The following RALGAPA1 variants were observed in gnomAD, a reference collection of about 807,000 sequenced individuals.
The protein encoded by RALGAPA1 is Ral GTPase activating protein catalytic subunit alpha 1.
In RALGAPA1, 52 loss-of-function variants were observed where a neutral mutation model predicts 269.6. That is an observed-to-expected ratio of 0.19 (90% CI 0.15 to 0.24). RALGAPA1 has a LOEUF of 0.24. Among genes scored for constraint, RALGAPA1 ranks in the 10% least tolerant of loss-of-function variants. The probability of loss-of-function intolerance (pLI) is 1.00; values close to 1 mark genes in which losing one functional copy is unlikely to be tolerated. For synonymous variants in RALGAPA1, 817 were observed against 1,008.3 expected (o/e 0.81, Z 3.60); for missense variants, 1,917 against 3,013.9 (o/e 0.64, Z 8.52).
intron 9 of RALGAPA1, among the ~76,000 whole-genome samples, chr14:35,749,685 A>G (rs553402452): frequency 6.6e-6 from 1 of 152,248 alleles, no homozygotes; most frequent in Admixed American, 6.5e-5. Context: ...TTAATACAGA[A>G]GTTAGAGCAA....
intron 31 of RALGAPA1, among the ~76,000 whole-genome samples, chr14:35,638,796 T>C (rs2061824624): frequency 6.6e-6 from 1 of 151,794 alleles, no homozygotes; most frequent in Non-Finnish European, 1.5e-5. Flanking sequence ...TGTGGTGGTG[T>C]GTGCTTGTAG....
chr14:35,663,431 A>G (rs1422853894), intron 27 of RALGAPA1, among the ~76,000 whole-genome samples: 2 of 151,980 alleles, frequency 1.3e-5, no homozygotes, highest in Non-Finnish European at 2.9e-5. Context: ...AAAAAAACAA[A>G]AACAAAAAAA....
intron 18 of RALGAPA1, among the ~76,000 whole-genome samples, chr14:35,687,931 A>AGGAAAC (rs2066101612): frequency 1.3e-5 from 2 of 152,240 alleles, no homozygotes; most frequent in Non-Finnish European, 2.9e-5. Flanking sequence ...CTCATCACTG[A>AGGAAAC]TAGTTAACTA....
At chr14:35,748,305 T>C (rs182825710) in intron 10 of RALGAPA1, 1 of 205,220 alleles carries the variant, frequency 4.9e-6, no homozygotes, top group East Asian at 1.1e-4. Context: ...TAAGAATTAC[T>C]TAAATTAGTT....
At chr14:35,702,131 T>C (rs904340414) in intron 16 of RALGAPA1, among the ~76,000 whole-genome samples, 3 of 152,214 alleles carry the variant, frequency 2.0e-5, no homozygotes, top group African/African-American at 7.2e-5. Context: ...TTTGAATCCC[T>C]ACTCCCTACC....
At chr14:35,639,282 C>T (rs1461158231) in intron 31 of RALGAPA1, among the ~76,000 whole-genome samples, 1 of 152,110 alleles carries the variant, frequency 6.6e-6, no homozygotes. Context: ...ATATATAAAG[C>T]AAATATTATT....
chr14:35,577,253 CT>C (rs1431589900), intron 37 of RALGAPA1, among the ~76,000 whole-genome samples: 3 of 152,130 alleles, frequency 2.0e-5, no homozygotes, highest in Non-Finnish European at 4.4e-5. Context: ...TTGCTACAGA[CT>C]GAATGTTTGC....
At chr14:35,642,066 C>T (rs1479991526) in intron 31 of RALGAPA1, among the ~76,000 whole-genome samples, 2 of 152,106 alleles carry the variant, frequency 1.3e-5, no homozygotes, top group Non-Finnish European at 2.9e-5. Context: ...AAACTAGATC[C>T]CTAACTCCTG....
intron 17 of RALGAPA1, among the ~76,000 whole-genome samples, chr14:35,699,949 C>A (rs992136474): frequency 6.7e-6 from 1 of 149,880 alleles, no homozygotes; most frequent in Admixed American, 6.6e-5. Context: ...TGGACATTGG[C>A]ACAGCACTAA....
chr14:35,748,709 C>T lies in RALGAPA1; in HGVS notation c.1127G>A (p.Arg376Gln), dbSNP rs1353015917. ...ACAGAGACTAGATGAGCTAGGTTCTCGCTCCGTGAGAGTGCTTGTATTGGA... is the reference window on the plus strand; with the variant it reads ...ACAGAGACTAGATGAGCTAGGTTCTTGCTCCGTGAGAGTGCTTGTATTGGA... ...SHSNTSTLTE[R>Q]EPSSSSLCSI... The change falls in exon 10 of 42, where the codon CGA becomes CAA. Residue 376 changes from arginine to glutamine, a missense_variant. Arg to Gln is a conservative substitution (Grantham distance 43). Around this residue, in one of 11 missense-constraint regions of RALGAPA1, gnomAD observed 462 missense variants for 725.6 expected, o/e 0.64. Transcript: ENST00000680220. 10 of 1,613,310 alleles carry T rather than the reference C, an allele frequency of 6.2e-6. No individual in the cohort carries two copies. Among genetic ancestry groups the T allele is most frequent in the African/African-American group, 1.3e-5 (1 of 74,784 alleles).
At chr14:35,684,174 C>A (rs989603089) in intron 20 of RALGAPA1, among the ~76,000 whole-genome samples, 189 bp from the exon 21 acceptor site, 1 of 152,116 alleles carries the variant, frequency 6.6e-6, no homozygotes, top group Non-Finnish European at 1.5e-5. Context: ...GTGTACAAGC[C>A]ATGAAGGGAG....
chr14:35,664,342 A>G (rs564716971), intron 27 of RALGAPA1, among the ~76,000 whole-genome samples: 1 of 152,226 alleles, frequency 6.6e-6, no homozygotes, highest in South Asian at 2.1e-4. Flanking sequence ...GAAGCTTTAC[A>G]TTAGTAGCAT....
chr14:35,660,521 G>A (rs903921730), intron 27 of RALGAPA1, among the ~76,000 whole-genome samples: 1 of 151,970 alleles, frequency 6.6e-6, no homozygotes, highest in Non-Finnish European at 1.5e-5. Flanking sequence ...GAAATAAATA[G>A]AAACATATCT....
At position 35,756,782 on chromosome 14, in the gene RALGAPA1, A is replaced by G. The variant is rs1284825981; in HGVS notation, c.663+11T>C. The stretch of plus-strand genomic sequence containing the variant: ...AGTAAGGAGTGTGATATCAAAGAAG[A>G]TAACAAGTACCTGAATGACTATGTA... On this transcript the variant is annotated intron_variant, in intron 7 of 41. Transcript: ENST00000680220. 9 of 1,569,768 alleles carry G rather than the reference A, an allele frequency of 5.7e-6. No individual in the cohort carries two copies. Among genetic ancestry groups the G allele is most frequent in the Middle Eastern group, 2.3e-4 (1 of 4,404 alleles).
intron 36 of RALGAPA1, among the ~76,000 whole-genome samples, chr14:35,596,471 C>T (rs547789329): frequency 4.6e-5 from 7 of 151,936 alleles, no homozygotes; most frequent in South Asian, 2.1e-4. Flanking sequence ...AATTGAAAAT[C>T]GCCAGTATTT....
chr14:35,752,274 C>A, intron 7 of RALGAPA1, 112 bp from the exon 8 acceptor site: 1 of 1,171,224 alleles, frequency 8.5e-7, no homozygotes, highest in Non-Finnish European at 1.1e-6. Flanking sequence ...GAACTGTTAA[C>A]ACTAAAGATC....
chr14:35,713,671 GTCCCAATACTATAGTAA>G, intron 16 of RALGAPA1, among the ~76,000 whole-genome samples: 2 of 152,082 alleles, frequency 1.3e-5, no homozygotes, highest in East Asian at 3.8e-4. Context: ...AATCAGATTG[GTCCCAATACTATAGTAA>G]TACTAGAGCA....
rs1473311493 is a variant in RALGAPA1, at chr14:35,685,215, A to G, written c.4078-70T>C. The G allele has an allele frequency of 3.8e-5, 50 of 1,332,506 alleles. No individual in the cohort carries two copies. In the Admixed American group the frequency reaches 1.2e-3, roughly 31 times the overall value. The allele number at this position is 1,332,506 out of a possible 1,614,324, so 82.5% of individuals were successfully genotyped here. On this transcript the variant is annotated intron_variant, in intron 19 of 41. Transcript: ENST00000680220. ...TCTCTTTAACCATCTGAAACCTTTA[A>G]TTTCCAAACCATCACAATAAATGCT...
At chr14:35,605,529 A>AT in intron 36 of RALGAPA1, 57 bp downstream of exon 36, 1 of 1,499,716 alleles carries the variant, frequency 6.7e-7, no homozygotes, top group Admixed American at 2.3e-5. Flanking sequence ...AGGAAAAAAA[A>AT]GAAAAATAAG....
Sources: allele counts gnomAD v4.1 joint callset (sites outside exome capture counted in the v4.1 genomes callset), GRCh38; gene constraint gnomAD v4.1.1; regional missense constraint gnomAD v4.1.1; transcripts MANE v1.5; gene names NCBI Gene and HGNC (gene_info 2026-07-23, HGNC 2026-07-21).